The following SLC4A1AP variants were observed in gnomAD, a reference collection of about 807,000 sequenced individuals.
SLC4A1AP encodes the protein kanadaptin.
A neutral mutation model predicts 89.7 loss-of-function variants in SLC4A1AP; 64 were observed. That is an observed-to-expected ratio of 0.71 (90% CI 0.58 to 0.88). The LOEUF (loss-of-function observed/expected upper bound fraction) is 0.88. Among genes scored for constraint, SLC4A1AP ranks in the 40% least tolerant of loss-of-function variants. SLC4A1AP has a pLI of 0.00. For synonymous variants in SLC4A1AP, 366 were observed against 353.3 expected, an observed-to-expected ratio of 1.04 and a Z score of -0.40; for missense variants, 931 against 965.0, an observed-to-expected ratio of 0.96 and a Z score of 0.47.
chr2:27,677,049 G>T (rs1253929276), intron 6 of SLC4A1AP, among the ~76,000 whole-genome samples: 3 of 151,986 alleles, frequency 2.0e-5, no homozygotes, highest in African/African-American at 7.3e-5. Flanking sequence ...TGAGGCAGGA[G>T]AATCGCTTGA....
Position 27,677,356 on chromosome 2 carries a change from C to G in SLC4A1AP, c.1568C>G (p.Ser523Ter). Residue 523 changes from serine (S) to a stop codon, truncating the protein, a stop_gained, in exon 7 of 14, where the codon TCA (serine) becomes TGA (stop). Coordinates refer to ENST00000613058, the Ensembl canonical transcript of SLC4A1AP. LOFTEE classifies it high-confidence loss of function. ...GAAATTTCTGAGAGATTGAAAGCCT[C>G]AAGCCAAGGTAAGTTTTTCATCAAA... 6.2e-7 allele frequency: 1 copy of G among 1,611,776 alleles called. No individual in the cohort carries two copies. Among genetic ancestry groups the G allele is most frequent in the South Asian group, 1.1e-5 (1 of 90,924 alleles).
rs143005050 is a variant in SLC4A1AP at position 27,690,873 on chromosome 2, C to G, written c.2271+2106C>G. Among the ~76,000 whole-genome samples the G allele has an allele frequency of 3.8e-3, 574 of 152,098 alleles. 2 individuals carry two copies. The highest frequency in any genetic ancestry group is 0.013 in the African/African-American group (554 of 41,482). Reference sequence around the variant, plus strand: ...CATCCCAGCATCCCTGGGATGAAACCCACTTGATCATGGTGTATTGAATAG... The same window carrying G: ...CATCCCAGCATCCCTGGGATGAAACGCACTTGATCATGGTGTATTGAATAG... On this transcript the variant is annotated intron_variant, in intron 12 of 13. Transcript: ENST00000613058.
intron 8 of SLC4A1AP, among the ~76,000 whole-genome samples, chr2:27,681,206 GATA>G (rs2148137089): frequency 6.6e-6 from 1 of 152,302 alleles, no homozygotes; most frequent in East Asian, 1.9e-4. Context: ...GGGTGTGAAG[GATA>G]ATGATTTGAC....
At position 27,666,873 on chromosome 2, in the gene SLC4A1AP, T is replaced by A. The variant is rs34953576; in HGVS notation, c.1022-395T>A. On this transcript the variant is annotated intron_variant, in intron 2 of 13. Coordinates refer to ENST00000613058, the Ensembl canonical transcript of SLC4A1AP. ...AGATAAACTATATATATATATATAT[T>A]TTTTTTTTTTTGGGAGACGGTCTCA... Among the ~76,000 whole-genome samples, 332 of 27,990 alleles carry A rather than the reference T, an allele frequency of 0.012. 1 individual carries two copies. In the East Asian group the frequency reaches 0.19, roughly 16 times the overall value. 18.4% of individuals were successfully genotyped at this position (27,990 alleles called of 152,430 possible).
intron 5 of SLC4A1AP, among the ~76,000 whole-genome samples, chr2:27,672,292 A>C (rs1375987934): frequency 1.3e-5 from 2 of 151,664 alleles, no homozygotes; most frequent in African/African-American, 4.9e-5. Flanking sequence ...CAGACCATTT[A>C]AGTTTTTTTT....
rs142149663 is a variant in SLC4A1AP, at chr2:27,681,389, G to A, written c.1764-859G>A. ...TAGTAGCAAGTGGGGCTTCAGGGAGGGCCAGGTAGCTAACATCTGGTATGG... is the reference window on the plus strand; with the variant it reads ...TAGTAGCAAGTGGGGCTTCAGGGAGAGCCAGGTAGCTAACATCTGGTATGG... On this transcript the variant is annotated intron_variant, in intron 8 of 13. Coordinates refer to ENST00000613058, the Ensembl canonical transcript of SLC4A1AP. Among the ~76,000 whole-genome samples the A allele has an allele frequency of 8.6e-3, 1,314 of 152,178 alleles. 10 individuals are homozygous for A. The highest frequency in any genetic ancestry group is 0.013 in the Non-Finnish European group (879 of 67,988).
intron 8 of SLC4A1AP, among the ~76,000 whole-genome samples, chr2:27,681,920 G>T (rs765553282): frequency 6.6e-5 from 10 of 152,100 alleles, no homozygotes; most frequent in Non-Finnish European, 7.3e-5. Flanking sequence ...TTACACCATG[G>T]ATCAATCTCC....
chr2:27,676,829 C>CA (rs150750243), intron 6 of SLC4A1AP, among the ~76,000 whole-genome samples: 1,497 of 95,940 alleles, frequency 0.016, 18 homozygotes, highest in African/African-American at 0.046. Context: ...GACTCCATCT[C>CA]AAAAAAAAAA....
chr2:27,673,302 TTC>T lies in SLC4A1AP; in HGVS notation c.1346-2208_1346-2207del, dbSNP rs10659481. Reference sequence around the variant, plus strand: ...AAAATTTGGGTCTTTATGAATTTCTTTCTCTCTCTCTCTCTCTCTCTCTTTCT... The same window carrying T: ...AAAATTTGGGTCTTTATGAATTTCTTTCTCTCTCTCTCTCTCTCTCTTTCT... On this transcript the variant is annotated intron_variant, in intron 5 of 13. Coordinates refer to ENST00000613058, the Ensembl canonical transcript of SLC4A1AP. Among the ~76,000 whole-genome samples, 336 of 148,430 alleles carry T rather than the reference TTC, an allele frequency of 2.3e-3. 1 individual carries two copies. The highest frequency in any genetic ancestry group is 6.9e-3 in the Middle Eastern group (2 of 290).
At chr2:27,672,672 G>A (rs536165211) in intron 5 of SLC4A1AP, among the ~76,000 whole-genome samples, 40 of 152,236 alleles carry the variant, frequency 2.6e-4, no homozygotes, top group African/African-American at 8.9e-4. Context: ...GATGAAAAAG[G>A]TGATTGACAG....
chr2:27,693,533 A>T lies in SLC4A1AP; in HGVS notation c.2272-152A>T, dbSNP rs1675823074. ...CTGAAAAAGACTTTATTTCTCTTTC[A>T]TTCATGAAACTTAGTTTTGTTGGAT... On this transcript the variant is annotated intron_variant, in intron 12 of 13. Transcript: ENST00000613058. The T allele has an allele frequency of 5.0e-6, 3 of 594,572 alleles. No homozygotes were observed. In the East Asian group the frequency reaches 8.9e-5, roughly 18 times the overall value. 36.8% of individuals were successfully genotyped at this position (594,572 alleles called of 1,614,324 possible).
chr2:27,693,643 G>A (rs1386167088), intron 12 of SLC4A1AP, 42 bp from the exon 13 acceptor site: 27 of 1,513,972 alleles, frequency 1.8e-5, no homozygotes, highest in Non-Finnish European at 2.3e-5. Context: ...GGTTTCTGGA[G>A]AGAAATTCTT....
chr2:27,687,187 A>G (rs1053661559), intron 10 of SLC4A1AP, among the ~76,000 whole-genome samples: 1 of 152,146 alleles, frequency 6.6e-6, no homozygotes, highest in Non-Finnish European at 1.5e-5. Flanking sequence ...GAGAAGGAGC[A>G]TAGTGGTTCA....
intron 8 of SLC4A1AP, among the ~76,000 whole-genome samples, chr2:27,678,660 T>C (rs1296631407): frequency 6.6e-6 from 1 of 151,982 alleles, no homozygotes; most frequent in Non-Finnish European, 1.5e-5. Flanking sequence ...ATAGCATCTT[T>C]TATACAAAGA....
At chr2:27,692,360 G>T (rs1267457511) in intron 12 of SLC4A1AP, 1 of 152,180 alleles carries the variant, frequency 6.6e-6, no homozygotes, top group East Asian at 1.9e-4. Flanking sequence ...GGTCTGAGAA[G>T]ATACTTGATA....
chr2:27,669,355 T>C (rs1558505659), exon 5 of SLC4A1AP: 1 of 1,612,746 alleles, frequency 6.2e-7, no homozygotes, highest in South Asian at 1.1e-5. Context: ...TGTCGGATTC[T>C]TGACACTTTG....
At chr2:27,688,416 A>G (rs1162140919) in intron 11 of SLC4A1AP, among the ~76,000 whole-genome samples, 1 of 152,236 alleles carries the variant, frequency 6.6e-6, no homozygotes, top group Non-Finnish European at 1.5e-5. Context: ...GTAATGGTTA[A>G]ACTGTGGACT....
Position 27,665,380 on chromosome 2 carries a change from C to T in SLC4A1AP, c.1021+85C>T, listed in dbSNP as rs568588739. On this transcript the variant is annotated intron_variant, in intron 2 of 13. Transcript: ENST00000613058. ...TTAAATGTTTTTTTAAATCATACAG[C>T]TTTTCATGGCTCCTTGAGATAGATA... 6.1e-6 allele frequency: 7 copies of T among 1,155,352 alleles called. No homozygotes were observed. The African/African-American group carries it at 7.9e-5, about 13-fold the overall frequency. The allele number at this position is 1,155,352 out of a possible 1,614,324, so 71.6% of individuals were successfully genotyped here.
At chr2:27,667,918 G>T (rs1303986015) in intron 3 of SLC4A1AP, among the ~76,000 whole-genome samples, 1 of 151,770 alleles carries the variant, frequency 6.6e-6, no homozygotes, top group East Asian at 1.9e-4. Context: ...CTTAATATCT[G>T]TGCTTCTAAA....
Sources: allele counts gnomAD v4.1 joint callset (sites outside exome capture counted in the v4.1 genomes callset), GRCh38; gene constraint gnomAD v4.1.1; transcripts MANE v1.5; gene names NCBI Gene and HGNC (gene_info 2026-07-23, HGNC 2026-07-21).